PRKCB: variants seen among roughly 807,000 people sequenced by gnomAD.
The protein encoded by PRKCB is protein kinase C beta type.
Under a neutral mutation model 81.5 loss-of-function variants are expected in PRKCB, and 13 were observed. The observed-to-expected ratio is 0.16, with a 90% CI of 0.10 to 0.25. The LOEUF is 0.25. PRKCB is among the 10% of genes least tolerant of loss of function. The pLI is 1.00. For missense variants in PRKCB, 509 were observed against 875.7 expected (o/e 0.58, Z 5.29); for synonymous variants, 335 against 321.4 (o/e 1.04, Z -0.45).
chr16:24,216,711 G>C lies in PRKCB; in HGVS notation c.*1895G>C. The C allele has an allele frequency of 1.0e-6, 1 of 985,486 alleles. No homozygotes were observed. The highest frequency in any genetic ancestry group is 1.2e-6 in the Non-Finnish European group (1 of 829,970). 61.0% of individuals were successfully genotyped at this position (985,486 alleles called of 1,614,324 possible). On this transcript the variant is annotated 3_prime_UTR_variant, in exon 17 of 17. Transcript: ENST00000643927. ...CTGTCCCCACTGTGGTGGCAATCAG[G>C]ACCTAAGGTGAAGCAAACTTGAAGT...
chr16:23,954,294 T>C (rs1964322640), intron 2 of PRKCB, among the ~76,000 whole-genome samples: 1 of 152,132 alleles, frequency 6.6e-6, no homozygotes, highest in South Asian at 2.1e-4. Flanking sequence ...TCTAGGTCTC[T>C]GAAGGAGGTG....
chr16:23,942,203 G>T (rs534111527), intron 2 of PRKCB, among the ~76,000 whole-genome samples: 1 of 152,354 alleles, frequency 6.6e-6, no homozygotes, highest in Admixed American at 6.5e-5. Flanking sequence ...GCCAGAGGAA[G>T]TACTGTAGTC....
intron 4 of PRKCB, 144 bp from the exon 5 acceptor site, chr16:24,035,275 C>A: frequency 2.0e-6 from 2 of 1,021,934 alleles, no homozygotes; most frequent in Non-Finnish European, 2.8e-6. Context: ...TCCTGGCAGG[C>A]AAGTTGGTCT....
At chr16:24,000,602 A>G (rs1965020353) in intron 3 of PRKCB, among the ~76,000 whole-genome samples, 1 of 152,232 alleles carries the variant, frequency 6.6e-6, no homozygotes, top group African/African-American at 2.4e-5. Flanking sequence ...GAGTTCACAA[A>G]CAAAAGACAA....
intron 2 of PRKCB, among the ~76,000 whole-genome samples, chr16:23,865,466 CATATATATATATATATATATATAT>C (rs375074228): frequency 0.35 from 12,637 of 35,910 alleles, 2,343 homozygotes; most frequent in East Asian, 0.47. Flanking sequence ...CAATGCCCGG[CATATATATATATATATATATATAT>C]ATATATATAT....
At chr16:23,925,698 G>A (rs1210115343) in intron 2 of PRKCB, among the ~76,000 whole-genome samples, 1 of 152,008 alleles carries the variant, frequency 6.6e-6, no homozygotes, top group Non-Finnish European at 1.5e-5. Context: ...TTATTTAGTG[G>A]TAGAATCTGT....
intron 5 of PRKCB, among the ~76,000 whole-genome samples, chr16:24,079,490 A>G (rs866306292): frequency 2.6e-5 from 4 of 152,134 alleles, no homozygotes; most frequent in South Asian, 2.1e-4. Flanking sequence ...TTTTTTTCTA[A>G]CTAAAAATGT....
chr16:24,069,081 C>T (rs1050163017), intron 5 of PRKCB, among the ~76,000 whole-genome samples: 27 of 152,284 alleles, frequency 1.8e-4, no homozygotes, highest in African/African-American at 6.3e-4. Context: ...AACAAGGAGA[C>T]TGAGTTACCG....
chr16:24,031,773 G>A (rs918189705), intron 3 of PRKCB, among the ~76,000 whole-genome samples: 76 of 152,174 alleles, frequency 5.0e-4, no homozygotes, highest in African/African-American at 1.8e-3. Flanking sequence ...AGAAAGAAAA[G>A]TCAGGAGCCC....
At chr16:24,021,165 C>T (rs987853422) in intron 3 of PRKCB, among the ~76,000 whole-genome samples, 2 of 137,776 alleles carry the variant, frequency 1.5e-5, no homozygotes, top group Non-Finnish European at 3.2e-5. Context: ...CTCCCTCCCT[C>T]TCTCCCTCCC....
chr16:24,123,951 A>G lies in PRKCB; in HGVS notation c.1035A>G (p.Leu345=). The G allele has an allele frequency of 1.2e-6, 2 of 1,614,140 alleles. No individual in the cohort carries two copies. Among genetic ancestry groups the G allele is most frequent in the Non-Finnish European group, 1.7e-6 (2 of 1,180,008 alleles). The change falls in exon 9 of 17, where the codon CTA becomes CTG. Residue 345 remains leucine, a synonymous_variant. Transcript: ENST00000643927. ...DRMKLTDFNF[L]MVLGKGSFGK... The stretch of plus-strand genomic sequence containing the variant: ...TGAAACTGACCGATTTTAACTTCCT[A>G]ATGGTGCTGGGGAAAGGCAGCTTTG...
At chr16:24,089,646 G>A (rs1173575569) in intron 5 of PRKCB, among the ~76,000 whole-genome samples, 15 of 152,050 alleles carry the variant, frequency 9.9e-5, no homozygotes, top group Admixed American at 9.2e-4. Flanking sequence ...AGGTTGGCAA[G>A]CACCTGTAGT....
chr16:24,064,090 G>C (rs1966005000), intron 5 of PRKCB, among the ~76,000 whole-genome samples: 1 of 152,020 alleles, frequency 6.6e-6, no homozygotes. Flanking sequence ...GTAGGAAAGA[G>C]TAAACACCAG....
intron 10 of PRKCB, among the ~76,000 whole-genome samples, chr16:24,161,013 T>A (rs552857492): frequency 8.8e-4 from 131 of 148,246 alleles, no homozygotes; most frequent in African/African-American, 3.2e-3. Context: ...CAGCTACCTT[T>A]AAAAAAAAAA....
intron 2 of PRKCB, among the ~76,000 whole-genome samples, chr16:23,873,796 G>A (rs570331966): frequency 6.6e-6 from 1 of 152,282 alleles, no homozygotes; most frequent in South Asian, 2.1e-4. Flanking sequence ...GCTAGAATTA[G>A]CCACTGTCAG....
At chr16:24,161,381 A>T (rs1967254710) in intron 10 of PRKCB, among the ~76,000 whole-genome samples, 1 of 152,204 alleles carries the variant, frequency 6.6e-6, no homozygotes, top group African/African-American at 2.4e-5. Flanking sequence ...TTGAATATTC[A>T]CATGGAAAAG....
At chr16:23,869,718 A>G (rs1962872223) in intron 2 of PRKCB, among the ~76,000 whole-genome samples, 1 of 152,236 alleles carries the variant, frequency 6.6e-6, no homozygotes, top group South Asian at 2.1e-4. Flanking sequence ...ATAGAAAAAC[A>G]GTGTCATCAC....
At chr16:24,075,877 C>G (rs1028263906) in intron 5 of PRKCB, among the ~76,000 whole-genome samples, 4 of 152,192 alleles carry the variant, frequency 2.6e-5, no homozygotes, top group Non-Finnish European at 5.9e-5. Context: ...TGTTAAAATA[C>G]AGGTTGCTGG....
intron 2 of PRKCB, among the ~76,000 whole-genome samples, chr16:23,976,030 C>G (rs1964620736): frequency 6.6e-6 from 1 of 152,072 alleles, no homozygotes. Flanking sequence ...AAAACTTTTC[C>G]TTGGTGATGG....
Sources: gnomAD v4.1 joint callset for allele counts (sites outside exome capture counted in the v4.1 genomes callset) on GRCh38, gnomAD v4.1.1 for gene constraint, MANE v1.5 for transcripts, NCBI Gene and HGNC (gene_info 2026-07-23, HGNC 2026-07-21) for gene names.